Variants in PLCL2 observed in about 807,000 individuals in gnomAD.
The protein encoded by PLCL2 is phospholipase C like 2.
PLCL2 carries 4 observed loss-of-function variants against 79.6 expected under a neutral mutation model. The observed-to-expected ratio is 0.05, with a 90% CI of 0.02 to 0.11. The LOEUF (loss-of-function observed/expected upper bound fraction) is 0.11. Among genes scored for constraint, PLCL2 ranks in the 10% least tolerant of loss-of-function variants. The pLI is 1.00. For synonymous variants in PLCL2, 484 were observed against 457.7 expected, an observed-to-expected ratio of 1.06 and a Z score of -0.73; for missense variants, 895 against 1,291.0, an observed-to-expected ratio of 0.69 and a Z score of 4.70.
chr3:16,904,070 T>G (rs1485720669), intron 1 of PLCL2, among the ~76,000 whole-genome samples: 3 of 152,060 alleles, frequency 2.0e-5, no homozygotes, highest in Non-Finnish European at 4.4e-5. Flanking sequence ...AAAACTTTAG[T>G]CCTGTGAAGG....
intron 1 of PLCL2, among the ~76,000 whole-genome samples, chr3:16,905,325 C>A (rs903705352): frequency 3.3e-5 from 5 of 151,898 alleles, no homozygotes; most frequent in Non-Finnish European, 7.3e-5. Flanking sequence ...TCAGTACTAC[C>A]TCTCTGTCTT....
intron 1 of PLCL2, among the ~76,000 whole-genome samples, chr3:16,933,804 A>C (rs926073571): frequency 1.3e-5 from 2 of 152,080 alleles, no homozygotes. Flanking sequence ...GTGGTGGCTC[A>C]TGTCTGTAAT....
intron 5 of PLCL2, among the ~76,000 whole-genome samples, chr3:17,076,267 C>G (rs2065107777): frequency 6.6e-6 from 1 of 151,924 alleles, no homozygotes; most frequent in Non-Finnish European, 1.5e-5. Context: ...CTGACTGACT[C>G]TAATGTGGTT....
chr3:16,908,171 C>T (rs1696792809), intron 1 of PLCL2, among the ~76,000 whole-genome samples: 1 of 152,158 alleles, frequency 6.6e-6, no homozygotes, highest in African/African-American at 2.4e-5. Flanking sequence ...ATACCCATCT[C>T]CCACCTTCAG....
chr3:16,994,990 G>A (rs1159834581), intron 1 of PLCL2, among the ~76,000 whole-genome samples: 3 of 152,260 alleles, frequency 2.0e-5, no homozygotes, highest in Admixed American at 6.5e-5. Flanking sequence ...TGTGTGGTGA[G>A]CACAGGCCAG....
chr3:17,052,442 G>A (rs779206219), intron 4 of PLCL2, among the ~76,000 whole-genome samples: 13 of 152,110 alleles, frequency 8.5e-5, no homozygotes, highest in Non-Finnish European at 1.9e-4. Flanking sequence ...TCTGGAAGAA[G>A]GGTTCCTATT....
chr3:17,061,232 A>C (rs1297748945), intron 4 of PLCL2, among the ~76,000 whole-genome samples: 1 of 152,174 alleles, frequency 6.6e-6, no homozygotes, highest in Non-Finnish European at 1.5e-5. Context: ...CATGTTTCTG[A>C]CTTGGCCCTC....
At chr3:17,033,838 A>G (rs2064612266) in intron 3 of PLCL2, among the ~76,000 whole-genome samples, 1 of 152,190 alleles carries the variant, frequency 6.6e-6, no homozygotes, top group Non-Finnish European at 1.5e-5. Context: ...ACCATTTAAC[A>G]TATGCAGAAC....
At chr3:16,967,256 A>G (rs1212967163) in intron 1 of PLCL2, among the ~76,000 whole-genome samples, 2 of 152,098 alleles carry the variant, frequency 1.3e-5, no homozygotes, top group Non-Finnish European at 2.9e-5. Context: ...ATGGTAGAAC[A>G]ATTTGTATTC....
intron 4 of PLCL2, chr3:17,044,210 T>C (rs2064757987): frequency 6.6e-6 from 1 of 152,296 alleles, no homozygotes; most frequent in Non-Finnish European, 1.5e-5. Flanking sequence ...CAGTTGGCAA[T>C]AGATAAGGAA....
intron 5 of PLCL2, among the ~76,000 whole-genome samples, chr3:17,084,820 A>G (rs1022876014): frequency 2.0e-5 from 3 of 152,222 alleles, no homozygotes; most frequent in African/African-American, 7.2e-5. Flanking sequence ...TGCTTACATC[A>G]TATTTAAAGG....
At chr3:17,068,447 A>C (rs1202473655) in intron 5 of PLCL2, among the ~76,000 whole-genome samples, 1 of 152,234 alleles carries the variant, frequency 6.6e-6, no homozygotes, top group Non-Finnish European at 1.5e-5. Context: ...TAACACTTTA[A>C]AGTGTAATTA....
intron 1 of PLCL2, among the ~76,000 whole-genome samples, chr3:17,003,131 A>G (rs1452613042): frequency 4.0e-5 from 6 of 151,898 alleles, no homozygotes. Context: ...TCTCTTGACA[A>G]TGTTTTTTTG....
chr3:17,014,900 A>G lies in PLCL2; in HGVS notation c.3007A>G (p.Thr1003Ala), dbSNP rs1400495331. ...GGAGGTTCTGAAGAAGATCGTAACA[A>G]CTTATGACATGGTGAGTTGTCCTTT... Reference protein sequence around the residue: ...VPEVLKKIVTTYDMMIQSLKA... With the variant: ...VPEVLKKIVTAYDMMIQSLKA... The change falls in exon 3 of 6, where the codon ACT becomes GCT. Residue 1003 changes from threonine (T) to alanine (A), a missense_variant. Transcript: ENST00000615277. 8.7e-6 allele frequency: 14 copies of G among 1,613,554 alleles called. 1 individual carries two copies. Among genetic ancestry groups the G allele is most frequent in the Admixed American group, 3.3e-5 (2 of 60,002 alleles).
chr3:17,090,029 G>T lies in PLCL2; in HGVS notation c.*117G>T. ...ATATTCGGGATTTTAAAGCACAACTGGAATAGCTAATTACAGTCTATTAAA... is the reference window on the plus strand; with the variant it reads ...ATATTCGGGATTTTAAAGCACAACTTGAATAGCTAATTACAGTCTATTAAA... On this transcript the variant is annotated 3_prime_UTR_variant, in exon 6 of 6. Coordinates refer to ENST00000615277, the MANE Select transcript of PLCL2 (RefSeq NM_001144382.2). The T allele has an allele frequency of 7.0e-7, 1 of 1,420,340 alleles. No homozygotes were observed. Among genetic ancestry groups the T allele is most frequent in the Non-Finnish European group, 9.2e-7 (1 of 1,083,228 alleles). 88.0% of individuals were successfully genotyped at this position (1,420,340 alleles called of 1,614,324 possible).
chr3:16,933,924 G>A (rs537147840), intron 1 of PLCL2, among the ~76,000 whole-genome samples: 4 of 152,086 alleles, frequency 2.6e-5, no homozygotes, highest in East Asian at 1.9e-4. Context: ...GAAATTAGCC[G>A]GGCATGATGG....
chr3:16,948,116 A>C (rs2063618005), intron 1 of PLCL2, among the ~76,000 whole-genome samples: 1 of 152,244 alleles, frequency 6.6e-6, no homozygotes, highest in South Asian at 2.1e-4. Flanking sequence ...AGCAGCCCAA[A>C]TATTCATCAA....
intron 1 of PLCL2, among the ~76,000 whole-genome samples, chr3:16,885,886 G>A (rs1331249863): frequency 6.6e-6 from 1 of 152,142 alleles, no homozygotes; most frequent in Admixed American, 6.5e-5. Context: ...CTAATATCCG[G>A]TCACTCAGTC....
chr3:16,963,797 T>C (rs912781865), intron 1 of PLCL2, among the ~76,000 whole-genome samples: 5 of 152,098 alleles, frequency 3.3e-5, no homozygotes, highest in African/African-American at 1.2e-4. Context: ...TTTTTTTTTT[T>C]TTCTCAAGTC....
Sources: allele counts gnomAD v4.1 joint callset (sites outside exome capture counted in the v4.1 genomes callset), GRCh38; gene constraint gnomAD v4.1.1; transcripts MANE v1.5; gene names NCBI Gene and HGNC (gene_info 2026-07-23, HGNC 2026-07-21).